Variants in DLGAP2 observed in about 807,000 individuals in gnomAD.
The protein encoded by DLGAP2 is disks large-associated protein 2.
In DLGAP2, 26 loss-of-function variants were observed where a neutral mutation model predicts 100.3. The observed-to-expected ratio is 0.26, with a 90% CI of 0.19 to 0.36. The LOEUF (loss-of-function observed/expected upper bound fraction) is 0.36, where lower values mean the gene tolerates loss of function less well. DLGAP2 is among the 10% of genes least tolerant of loss of function. DLGAP2 has a pLI of 1.00. For synonymous variants in DLGAP2, 886 were observed against 630.1 expected (o/e 1.41, Z -6.08); for missense variants, 1,858 against 1,453.2 (o/e 1.28, Z -4.53).
intron 2 of DLGAP2, among the ~76,000 whole-genome samples, chr8:1,183,668 A>C (rs2116708039): frequency 6.6e-6 from 1 of 152,316 alleles, no homozygotes; most frequent in South Asian, 2.1e-4. Context: ...GGTGGAGCCC[A>C]GGAGACAGGG....
intron 8 of DLGAP2, among the ~76,000 whole-genome samples, chr8:1,664,202 C>T (rs1055133735): frequency 2.0e-5 from 3 of 152,150 alleles, no homozygotes; most frequent in Admixed American, 6.5e-5. Context: ...CAGGACAGGC[C>T]GTGTCACCTG....
At position 1,254,954 on chromosome 8, in the gene DLGAP2, G is replaced by GTCTGTGCTCTCTCCTGCCCAGGTGC. The variant is rs1563043128; in HGVS notation, c.74-3896_74-3895insCTGTGCTCTCTCCTGCCCAGGTGCT. ...GTGCCCTCTCCTGCCCGGGTGCTGT[G>GTCTGTGCTCTCTCCTGCCCAGGTGC]TGTGTGTCCTCTCATCCTGTCCGGG... On this transcript the variant is annotated intron_variant, in intron 2 of 14. Coordinates refer to ENST00000637795, the MANE Select transcript of DLGAP2 (RefSeq NM_001346810.2). Among the ~76,000 whole-genome samples, 34 of 142,164 alleles carry GTCTGTGCTCTCTCCTGCCCAGGTGC rather than the reference G, an allele frequency of 2.4e-4. 1 individual carries two copies. The highest frequency in any genetic ancestry group is 8.2e-4 in the African/African-American group (32 of 38,928). The allele number at this position is 142,164 out of a possible 152,430, so 93.3% of individuals were successfully genotyped here.
chr8:1,408,844 T>A (rs1563128570), intron 3 of DLGAP2, among the ~76,000 whole-genome samples: 1 of 151,978 alleles, frequency 6.6e-6, no homozygotes, highest in Non-Finnish European at 1.5e-5. Flanking sequence ...CATTTAACAT[T>A]AAGGTGCGCA....
chr8:1,252,992 G>A (rs1799082549), intron 2 of DLGAP2, among the ~76,000 whole-genome samples: 4 of 152,212 alleles, frequency 2.6e-5, no homozygotes, highest in Admixed American at 6.5e-5. Flanking sequence ...TCGCATCTAG[G>A]CACCCCCACA....
chr8:1,424,821 C>G (rs557657303), intron 3 of DLGAP2, among the ~76,000 whole-genome samples: 2 of 152,316 alleles, frequency 1.3e-5, no homozygotes, highest in Non-Finnish European at 2.9e-5. Context: ...ATACGCAGCA[C>G]CTGGAGGAGT....
chr8:1,467,112 A>AG (rs1283264820), intron 3 of DLGAP2, among the ~76,000 whole-genome samples: 1 of 151,688 alleles, frequency 6.6e-6, no homozygotes, highest in East Asian at 1.9e-4. Context: ...AGCCAGAGGG[A>AG]GGGAGGGTCC....
chr8:785,486 TGA>T (rs1432870545), intron 1 of DLGAP2, among the ~76,000 whole-genome samples: 1 of 117,962 alleles, frequency 8.5e-6, no homozygotes, highest in Admixed American at 9.0e-5. Context: ...TCAGCCCCTG[TGA>T]GACCAGCTTC....
At chr8:1,158,266 C>T (rs1480722082) in intron 2 of DLGAP2, among the ~76,000 whole-genome samples, 1 of 152,110 alleles carries the variant, frequency 6.6e-6, no homozygotes, top group Non-Finnish European at 1.5e-5. Context: ...TAAAAAATTG[C>T]CATTATGGTG....
At chr8:1,183,665 C>G (rs886551890) in intron 2 of DLGAP2, among the ~76,000 whole-genome samples, 5 of 152,292 alleles carry the variant, frequency 3.3e-5, no homozygotes, top group African/African-American at 1.2e-4. Context: ...GGCGGTGGAG[C>G]CCAGGAGACA....
chr8:1,239,803 CG>C (rs1798743908), intron 2 of DLGAP2, among the ~76,000 whole-genome samples: 12 of 12,670 alleles, frequency 9.5e-4, no homozygotes, highest in African/African-American at 1.9e-3. Flanking sequence ...TGTCTAGTTA[CG>C]TCTCACAGGG....
intron 3 of DLGAP2, among the ~76,000 whole-genome samples, chr8:1,496,798 G>A (rs1363927494): frequency 1.3e-5 from 2 of 152,188 alleles, no homozygotes; most frequent in African/African-American, 2.4e-5. Flanking sequence ...CACCGCACAC[G>A]CCATCCGCAC....
chr8:1,077,059 G>A (rs570199608), intron 2 of DLGAP2, among the ~76,000 whole-genome samples: 9 of 152,118 alleles, frequency 5.9e-5, no homozygotes, highest in East Asian at 3.9e-4. Flanking sequence ...GGAGGAGTCT[G>A]TCCCGGGCTC....
At chr8:1,635,844 C>T (rs1046962641) in intron 8 of DLGAP2, among the ~76,000 whole-genome samples, 2 of 152,108 alleles carry the variant, frequency 1.3e-5, no homozygotes, top group African/African-American at 4.8e-5. Flanking sequence ...GTTGAGGTTC[C>T]CAGAGGACGT....
At position 1,215,993 on chromosome 8, in the gene DLGAP2, C is replaced by CT. The variant is rs556370975; in HGVS notation, c.74-42858_74-42857insT. Among the ~76,000 whole-genome samples the CT allele has an allele frequency of 1.7e-3, 255 of 150,706 alleles. 1 individual carries two copies. Among genetic ancestry groups the CT allele is most frequent in the Non-Finnish European group, 2.6e-3 (177 of 67,528 alleles). ...CAGGTACCTCGATGGGTTCATTAGG[C>CT]ACATCACCTGGAGACGTCTAGGCTC... On this transcript the variant is annotated intron_variant, in intron 2 of 14. Transcript: ENST00000637795.
intron 5 of DLGAP2, among the ~76,000 whole-genome samples, chr8:1,553,133 C>T (rs1025591526): frequency 2.6e-5 from 4 of 152,182 alleles, no homozygotes; most frequent in African/African-American, 7.2e-5. Context: ...AGCGGGGCCC[C>T]TGCTGCATCC....
intron 3 of DLGAP2, among the ~76,000 whole-genome samples, chr8:1,478,035 C>T (rs954914838): frequency 5.5e-4 from 83 of 152,184 alleles, no homozygotes; most frequent in Admixed American, 7.2e-4. Context: ...ATTCCCCCTA[C>T]GTAAGGGGTA....
chr8:911,279 T>A (rs1798479477), intron 2 of DLGAP2, among the ~76,000 whole-genome samples: 1 of 152,168 alleles, frequency 6.6e-6, no homozygotes, highest in East Asian at 1.9e-4. Flanking sequence ...GTGTGTAATG[T>A]ATGTTGGAAG....
At chr8:1,485,601 C>G (rs1247636885) in intron 3 of DLGAP2, among the ~76,000 whole-genome samples, 1 of 152,248 alleles carries the variant, frequency 6.6e-6, no homozygotes, top group Non-Finnish European at 1.5e-5. Context: ...TCTTGGTTCA[C>G]TGAAGGAGAA....
chr8:1,036,998 C>G (rs1399208684), intron 2 of DLGAP2, among the ~76,000 whole-genome samples: 1 of 152,116 alleles, frequency 6.6e-6, no homozygotes, highest in Non-Finnish European at 1.5e-5. Context: ...GCCTCCTGAG[C>G]CAGTGACTGG....
Sources: gnomAD v4.1 joint callset for allele counts (sites outside exome capture counted in the v4.1 genomes callset) on GRCh38, gnomAD v4.1.1 for gene constraint, MANE v1.5 for transcripts, NCBI Gene and HGNC (gene_info 2026-07-23, HGNC 2026-07-21) for gene names.